ZBTB20: variants seen among roughly 807,000 people sequenced by gnomAD.
ZBTB20 encodes zinc finger and BTB domain-containing protein 20.
A neutral mutation model predicts 56.9 loss-of-function variants in ZBTB20; 9 were observed. The observed-to-expected ratio is 0.16, with a 90% CI of 0.10 to 0.28. The LOEUF is 0.28. Ranked by LOEUF, ZBTB20 falls within the 10% of genes least tolerant of loss-of-function variation. The pLI is 1.00. For synonymous variants in ZBTB20, 417 were observed against 420.7 expected (o/e 0.99, Z 0.11); for missense variants, 655 against 1,003.0 (o/e 0.65, Z 4.69).
At chr3:115,018,685 G>A (rs2080079440) in intron 2 of ZBTB20, among the ~76,000 whole-genome samples, 1 of 151,302 alleles carries the variant, frequency 6.6e-6, no homozygotes, top group South Asian at 2.1e-4. Context: ...AAAAGACTTG[G>A]AATATTTGAA....
chr3:114,493,745 C>A lies in ZBTB20; in HGVS notation c.-255+6607G>T, dbSNP rs932980767. On this transcript the variant is annotated intron_variant, in intron 7 of 11. Coordinates refer to ENST00000675478, the MANE Select transcript of ZBTB20 (RefSeq NM_001348800.3). The stretch of plus-strand genomic sequence containing the variant: ...AGTTAAATCTTCTTCTTTTATTTGC[C>A]CTTAGAGCACATGGTACTTTTATTA... Among the ~76,000 whole-genome samples the A allele has an allele frequency of 2.0e-5, 3 of 152,150 alleles. No individual in the cohort carries two copies. The East Asian group carries it at 5.8e-4, about 29-fold the overall frequency.
intron 6 of ZBTB20, among the ~76,000 whole-genome samples, chr3:114,506,753 A>C (rs536534567): frequency 1.3e-5 from 2 of 152,300 alleles, no homozygotes; most frequent in South Asian, 4.1e-4. Flanking sequence ...TGTCACTACC[A>C]ACTATTTGCT....
intron 2 of ZBTB20, among the ~76,000 whole-genome samples, chr3:115,055,187 A>ATCTCTCTC (rs58480744): frequency 0.15 from 15,356 of 102,858 alleles, 2,403 homozygotes; most frequent in East Asian, 0.39. Flanking sequence ...CCTCCTGGTA[A>ATCTCTCTC]TCTCTCTCTC....
At chr3:114,939,936 G>C (rs542152140) in intron 3 of ZBTB20, among the ~76,000 whole-genome samples, 1 of 146,364 alleles carries the variant, frequency 6.8e-6, no homozygotes, top group African/African-American at 2.8e-5. Flanking sequence ...AGATGGGAAA[G>C]GAAAAGGGAA....
chr3:114,821,342 CA>C (rs2073233427), intron 4 of ZBTB20, among the ~76,000 whole-genome samples: 2 of 152,116 alleles, frequency 1.3e-5, no homozygotes, highest in Admixed American at 1.3e-4. Context: ...AACCTTATGA[CA>C]CAGTCCTCAA....
rs1223732179 is a variant in ZBTB20, at chr3:114,883,916, C to CCTTTTTTTTTTTTTTTTTTTTTTTTTTT, written c.-417+16387_-417+16388insAAAAAAAAAAAAAAAAAAAAAAAAAAAG. 2.3e-4 allele frequency among the ~76,000 whole-genome samples: 21 copies of CCTTTTTTTTTTTTTTTTTTTTTTTTTTT among 89,774 alleles called. 9 individuals carry two copies. The highest frequency in any genetic ancestry group is 3.2e-4 in the Admixed American group (2 of 6,230). The allele number at this position is 89,774 out of a possible 152,430, so 58.9% of individuals were successfully genotyped here. ...GTATAACTGGTAAGAATGGTGTGTT[C>CCTTTTTTTTTTTTTTTTTTTTTTTTTTT]TTTTTTTTTTTTTTTTTTTTTTTTT... On this transcript the variant is annotated intron_variant, in intron 4 of 11. Coordinates refer to ENST00000675478, the MANE Select transcript of ZBTB20 (RefSeq NM_001348800.3).
At chr3:114,411,881 T>C (rs1470381816) in intron 7 of ZBTB20, among the ~76,000 whole-genome samples, 1 of 152,180 alleles carries the variant, frequency 6.6e-6, no homozygotes, top group African/African-American at 2.4e-5. Flanking sequence ...CTTCTGAGAC[T>C]GAATGTCCAG....
chr3:114,526,436 TTTG>T (rs2047231903), intron 6 of ZBTB20, among the ~76,000 whole-genome samples: 1 of 152,118 alleles, frequency 6.6e-6, no homozygotes, highest in African/African-American at 2.4e-5. Flanking sequence ...AGAGTTGTAT[TTTG>T]AGGTCTTTTG....
chr3:114,674,632 T>C (rs188366855), intron 6 of ZBTB20, among the ~76,000 whole-genome samples: 3 of 152,216 alleles, frequency 2.0e-5, no homozygotes, highest in Admixed American at 6.5e-5. Context: ...TTTTGTAAAA[T>C]GTGAAATTAA....
At chr3:115,004,596 T>G (rs985457893) in intron 2 of ZBTB20, among the ~76,000 whole-genome samples, 2 of 151,690 alleles carry the variant, frequency 1.3e-5, no homozygotes, top group Non-Finnish European at 1.5e-5. Flanking sequence ...TTTCCACAGT[T>G]CCCTTTCTTG....
At chr3:114,741,746 G>A (rs972942899) in intron 5 of ZBTB20, among the ~76,000 whole-genome samples, 1 of 151,806 alleles carries the variant, frequency 6.6e-6, no homozygotes, top group Non-Finnish European at 1.5e-5. Flanking sequence ...GCTGGGCATG[G>A]TGGTGGGCAC....
chr3:114,424,564 G>A (rs951085884), intron 7 of ZBTB20, among the ~76,000 whole-genome samples: 7 of 152,180 alleles, frequency 4.6e-5, no homozygotes, highest in African/African-American at 1.7e-4. Context: ...TGCCTCTTGA[G>A]CAATTTCCAG....
chr3:114,495,332 C>A (rs2043165467), intron 7 of ZBTB20, among the ~76,000 whole-genome samples: 1 of 151,980 alleles, frequency 6.6e-6, no homozygotes, highest in East Asian at 1.9e-4. Context: ...GCCCAAGGTA[C>A]AACGGAAATG....
chr3:114,576,998 C>A, intron 6 of ZBTB20, among the ~76,000 whole-genome samples: 1 of 152,008 alleles, frequency 6.6e-6, no homozygotes, highest in East Asian at 1.9e-4. Flanking sequence ...AGTTTAAGGA[C>A]ACTAGCTTTG....
At chr3:114,546,699 C>T (rs1339212305) in intron 6 of ZBTB20, among the ~76,000 whole-genome samples, 1 of 151,952 alleles carries the variant, frequency 6.6e-6, no homozygotes, top group Non-Finnish European at 1.5e-5. Flanking sequence ...TAAGGAGATG[C>T]CCTCCACTCC....
At chr3:114,883,362 C>T (rs1029294759) in intron 4 of ZBTB20, among the ~76,000 whole-genome samples, 5 of 152,134 alleles carry the variant, frequency 3.3e-5, no homozygotes, top group Non-Finnish European at 7.4e-5. Context: ...TTTAGTTCTG[C>T]CAAGGTGTTG....
chr3:114,735,064 T>C (rs930597253), intron 5 of ZBTB20, among the ~76,000 whole-genome samples: 5 of 152,114 alleles, frequency 3.3e-5, no homozygotes, highest in East Asian at 1.9e-4. Flanking sequence ...ACCATGTTAT[T>C]TGAGTATCTG....
At chr3:115,130,899 T>G (rs911107061) in intron 1 of ZBTB20, among the ~76,000 whole-genome samples, 4 of 152,046 alleles carry the variant, frequency 2.6e-5, no homozygotes, top group Non-Finnish European at 5.9e-5. Flanking sequence ...GTAGCTGGGA[T>G]TACAGGCATG....
At chr3:115,055,325 C>G (rs1158288015) in intron 2 of ZBTB20, among the ~76,000 whole-genome samples, 1 of 151,682 alleles carries the variant, frequency 6.6e-6, no homozygotes, top group East Asian at 1.9e-4. Context: ...GACTTCCTAC[C>G]AAGAACCATA....
Sources: allele counts gnomAD v4.1 joint callset (sites outside exome capture counted in the v4.1 genomes callset), GRCh38; gene constraint gnomAD v4.1.1; transcripts MANE v1.5; gene names NCBI Gene and HGNC (gene_info 2026-07-23, HGNC 2026-07-21).